DCDC1: variants seen among roughly 807,000 people sequenced by gnomAD.
The protein encoded by DCDC1 is doublecortin domain containing 1.
A neutral mutation model predicts 178.3 loss-of-function variants in DCDC1; 200 were observed. The observed-to-expected ratio is 1.12, with a 90% CI of 1.00 to 1.26. The LOEUF (loss-of-function observed/expected upper bound fraction) is 1.26, where lower values mean the gene tolerates loss of function less well. Among genes scored for constraint, DCDC1 ranks in the 50% most tolerant of loss-of-function variants. The probability of loss-of-function intolerance (pLI) is 0.00; values close to 1 mark genes in which losing one functional copy is unlikely to be tolerated. For missense variants in DCDC1, 1,983 were observed against 1,749.2 expected, an observed-to-expected ratio of 1.13 and a Z score of -2.38; for synonymous variants, 690 against 604.8, an observed-to-expected ratio of 1.14 and a Z score of -2.07.
At chr11:31,354,778 C>G (rs1253649845) in intron 1 of DCDC1, among the ~76,000 whole-genome samples, 1 of 152,174 alleles carries the variant, frequency 6.6e-6, no homozygotes, top group Non-Finnish European at 1.5e-5. Flanking sequence ...ATGCATCTCT[C>G]TTTTAAGGAT....
chr11:31,201,043 C>A (rs1281813248), intron 9 of DCDC1, among the ~76,000 whole-genome samples: 6 of 151,900 alleles, frequency 3.9e-5, no homozygotes, highest in Non-Finnish European at 5.9e-5. Flanking sequence ...TTCACAGTAT[C>A]AGATGATTGT....
chr11:31,362,383 G>A (rs966610816), intron 1 of DCDC1, among the ~76,000 whole-genome samples: 2 of 152,138 alleles, frequency 1.3e-5, no homozygotes, highest in African/African-American at 4.8e-5. Context: ...TGAAATTAAT[G>A]TATCTGACTG....
intron 9 of DCDC1, among the ~76,000 whole-genome samples, chr11:31,213,699 G>A (rs537787775): frequency 2.7e-5 from 4 of 150,184 alleles, no homozygotes; most frequent in Non-Finnish European, 4.4e-5. Context: ...CAGCTTGGGT[G>A]ACAGAGCATG....
At chr11:31,351,968 T>C (rs182177938) in intron 1 of DCDC1, among the ~76,000 whole-genome samples, 34 of 152,296 alleles carry the variant, frequency 2.2e-4, no homozygotes, top group Admixed American at 2.2e-3. Flanking sequence ...CAAGCCATTA[T>C]GTGAAGCTTG....
intron 9 of DCDC1, among the ~76,000 whole-genome samples, chr11:31,203,066 G>A (rs562758562): frequency 6.6e-6 from 1 of 152,092 alleles, no homozygotes; most frequent in East Asian, 1.9e-4. Flanking sequence ...AGGAAAGGAG[G>A]AGAGGAAAAA....
rs1368389827 is a variant in DCDC1 at position 30,892,840 on chromosome 11, G to T, written c.5060C>A (p.Ala1687Asp). The T allele has an allele frequency of 1.9e-6, 3 of 1,613,680 alleles. No homozygotes were observed. The highest frequency in any genetic ancestry group is 2.5e-6 in the Non-Finnish European group (3 of 1,179,798). The change falls in exon 36 of 39, where the codon GCC (alanine) becomes GAC (aspartate). Residue 1687 changes from alanine to aspartate, a missense_variant. Ala to Asp is a moderately radical substitution (Grantham distance 126). Coordinates refer to ENST00000684477, the MANE Select transcript of DCDC1 (RefSeq NM_001387274.1). ...NGGRPEDGTY[A>D]WGKTISELLQ... ...TACCTCTGAAATAGTTTTGCCCCAG[G>T]CATAAGTGCCATCTTCAGGTCTGCC...
At chr11:31,171,407 T>G (rs1967227195) in intron 9 of DCDC1, among the ~76,000 whole-genome samples, 1 of 152,236 alleles carries the variant, frequency 6.6e-6, no homozygotes, top group South Asian at 2.1e-4. Flanking sequence ...CAGGCTGGAT[T>G]TGGCCCATGT....
At chr11:31,149,315 T>C (rs957908715) in intron 9 of DCDC1, among the ~76,000 whole-genome samples, 1 of 152,056 alleles carries the variant, frequency 6.6e-6, no homozygotes, top group African/African-American at 2.4e-5. Flanking sequence ...AGCTAGAGGA[T>C]AGTAAATGCA....
At chr11:30,918,209 T>C (rs1945995734) in intron 25 of DCDC1, among the ~76,000 whole-genome samples, 2 of 152,216 alleles carry the variant, frequency 1.3e-5, no homozygotes, top group South Asian at 4.1e-4. Context: ...TGTTTAACTT[T>C]CTTACTCAGA....
intron 21 of DCDC1, among the ~76,000 whole-genome samples, chr11:30,938,467 C>A (rs1163926352): frequency 6.6e-6 from 1 of 152,160 alleles, no homozygotes; most frequent in Non-Finnish European, 1.5e-5. Flanking sequence ...TTAACTCCTT[C>A]TCTCCCTCTC....
At chr11:30,889,665 G>A (rs368998878) in intron 36 of DCDC1, among the ~76,000 whole-genome samples, 110 of 152,246 alleles carry the variant, frequency 7.2e-4, no homozygotes, top group African/African-American at 2.1e-3. Flanking sequence ...ATGCAAGCCC[G>A]TAAAGACAAA....
At chr11:31,196,954 A>G (rs543032206) in intron 9 of DCDC1, among the ~76,000 whole-genome samples, 1 of 152,250 alleles carries the variant, frequency 6.6e-6, no homozygotes, top group African/African-American at 2.4e-5. Flanking sequence ...GATTCTAAGG[A>G]TTTTAGAAAC....
In DCDC1 at chr11:31,009,762, A is replaced by G. The variant is rs139856903; in HGVS notation, c.2591+54707T>C. ...TTAGTCCGTTTTCACACTGATATAA[A>G]GAATTGCCTGAGACGGTAATTTATA... On this transcript the variant is annotated intron_variant, in intron 20 of 38. Transcript: ENST00000684477. Among the ~76,000 whole-genome samples, 1,165 of 152,310 alleles carry G rather than the reference A, an allele frequency of 7.6e-3. 12 individuals are homozygous for G. Among genetic ancestry groups the G allele is most frequent in the Non-Finnish European group, 7.6e-3 (514 of 68,016 alleles).
intron 1 of DCDC1, among the ~76,000 whole-genome samples, chr11:31,335,771 A>G (rs980980787): frequency 1.1e-4 from 16 of 152,322 alleles, no homozygotes; most frequent in African/African-American, 3.4e-4. Context: ...CCTGATCTAC[A>G]GGATCCTTTC....
chr11:31,019,291 T>C (rs1365601524), intron 20 of DCDC1, among the ~76,000 whole-genome samples: 2 of 152,212 alleles, frequency 1.3e-5, no homozygotes, highest in East Asian at 3.9e-4. Flanking sequence ...TTTTCAGAGA[T>C]GGAAAGACTT....
In DCDC1 at chr11:30,920,872, A is replaced by G; in HGVS notation, c.3197T>C (p.Val1066Ala). The G allele has an allele frequency of 6.2e-7, 1 of 1,613,484 alleles. No individual in the cohort carries two copies. The highest frequency in any genetic ancestry group is 8.5e-7 in the Non-Finnish European group (1 of 1,179,678). The change falls in exon 25 of 39, where the codon GTA (valine) becomes GCA (alanine). Residue 1066 changes from valine (V) to alanine (A), a missense_variant. Coordinates refer to ENST00000684477, the MANE Select transcript of DCDC1 (RefSeq NM_001387274.1). Reference protein sequence around the residue: ...SGSKLAVHKPVAIFGEEKQVT... With the variant: ...SGSKLAVHKPAAIFGEEKQVT... ...TTGCTTCTCTTCTCCAAAAATTGCT[A>G]CAGGTTTATGCACAGCAAGCTTGCT... is the stretch of plus-strand genomic sequence containing the variant.
intron 20 of DCDC1, among the ~76,000 whole-genome samples, chr11:31,025,296 A>T (rs1953148738): frequency 6.6e-6 from 1 of 151,840 alleles, no homozygotes; most frequent in Non-Finnish European, 1.5e-5. Context: ...GCTGAGAAAA[A>T]GAGAGTAGAA....
At chr11:31,018,547 A>G (rs1055590849) in intron 20 of DCDC1, among the ~76,000 whole-genome samples, 2 of 152,188 alleles carry the variant, frequency 1.3e-5, no homozygotes, top group African/African-American at 4.8e-5. Context: ...TTCAGGTGAG[A>G]AAACCAAGGC....
At chr11:31,262,719 C>G (rs1473806338) in intron 8 of DCDC1, 1 of 210,178 alleles carries the variant, frequency 4.8e-6, no homozygotes, top group Non-Finnish European at 9.4e-6. Flanking sequence ...AGAAAACCAT[C>G]CAACACAAAA....
Sources: gnomAD v4.1 joint callset for allele counts (sites outside exome capture counted in the v4.1 genomes callset) on GRCh38, gnomAD v4.1.1 for gene constraint, MANE v1.5 for transcripts, NCBI Gene and HGNC (gene_info 2026-07-23, HGNC 2026-07-21) for gene names.